Variants in HCN1 observed in about 807,000 individuals in gnomAD.
HCN1 encodes potassium/sodium hyperpolarization-activated cyclic nucleotide-gated channel 1.
In HCN1, 13 loss-of-function variants were observed where a neutral mutation model predicts 78.9. The observed-to-expected ratio is 0.16, with a 90% CI of 0.11 to 0.26. The LOEUF (loss-of-function observed/expected upper bound fraction) is 0.26, where lower values mean the gene tolerates loss of function less well. Among genes scored for constraint, HCN1 ranks in the 10% least tolerant of loss-of-function variants. The probability of loss-of-function intolerance (pLI) is 1.00; values close to 1 mark genes in which losing one functional copy is unlikely to be tolerated. For missense variants in HCN1, 810 were observed against 1,154.3 expected, an observed-to-expected ratio of 0.70 and a Z score of 4.32; for synonymous variants, 552 against 455.5, an observed-to-expected ratio of 1.21 and a Z score of -2.70.
chr5:45,378,892 T>G (rs1375375699), intron 4 of HCN1, among the ~76,000 whole-genome samples: 2 of 152,026 alleles, frequency 1.3e-5, no homozygotes, highest in African/African-American at 4.8e-5. Flanking sequence ...TTGTCCTTGC[T>G]ATAGTTTGCT....
In HCN1 at chr5:45,262,632, C is replaced by T. The variant is rs986494425; in HGVS notation, c.1962G>A (p.Thr654=). 1.2e-6 allele frequency: 2 copies of T among 1,613,684 alleles called. No homozygotes were observed. Among genetic ancestry groups the T allele is most frequent in the South Asian group, 1.1e-5 (1 of 91,038 alleles). The change falls in exon 8 of 8, where the codon ACG becomes ACA. Residue 654 remains threonine (T), a synonymous_variant. Coordinates refer to ENST00000303230, the MANE Select transcript of HCN1 (RefSeq NM_021072.4). ...GTGTCCTCATGCGGGAGGTCGGGGT[C>T]GTAGTAGACGATGTGGAATTCAGGG... ...MTTLNSTSST[T]TPTSRMRTQS...
chr5:45,272,509 G>A (rs1458571239), intron 6 of HCN1, among the ~76,000 whole-genome samples: 1 of 151,918 alleles, frequency 6.6e-6, no homozygotes, highest in African/African-American at 2.4e-5. Context: ...CTGCTACATT[G>A]AGTTTCCAGC....
At chr5:45,695,331 C>G (rs1470100274) in intron 1 of HCN1, among the ~76,000 whole-genome samples, 2 of 152,100 alleles carry the variant, frequency 1.3e-5, no homozygotes, top group East Asian at 1.9e-4. Context: ...CTCACGCTCT[C>G]GTCTCTGAAG....
chr5:45,478,890 G>A (rs1030254794), intron 2 of HCN1, among the ~76,000 whole-genome samples: 6 of 152,110 alleles, frequency 3.9e-5, no homozygotes, highest in East Asian at 1.9e-4. Context: ...TTGGGAGGCC[G>A]AGGCGGGCAG....
intron 3 of HCN1, among the ~76,000 whole-genome samples, chr5:45,416,086 G>A (rs954314303): frequency 1.3e-5 from 2 of 151,898 alleles, no homozygotes; most frequent in African/African-American, 2.4e-5. Flanking sequence ...TTAGTAGTCT[G>A]ATCAACTGTT....
chr5:45,366,261 T>C (rs977545930), intron 4 of HCN1, among the ~76,000 whole-genome samples: 3 of 151,646 alleles, frequency 2.0e-5, no homozygotes, highest in Admixed American at 6.6e-5. Flanking sequence ...AAAGGAAATT[T>C]AATTATGTTT....
chr5:45,525,930 G>A (rs1377957894), intron 2 of HCN1, among the ~76,000 whole-genome samples: 1 of 151,928 alleles, frequency 6.6e-6, no homozygotes, highest in Non-Finnish European at 1.5e-5. Context: ...AATGGGATTA[G>A]TGTCCTTATA....
chr5:45,610,856 T>G (rs1454321014), intron 2 of HCN1, among the ~76,000 whole-genome samples: 1 of 151,998 alleles, frequency 6.6e-6, no homozygotes, highest in Non-Finnish European at 1.5e-5. Flanking sequence ...TTTAGAATAG[T>G]TGGAAAATTC....
intron 1 of HCN1, among the ~76,000 whole-genome samples, chr5:45,668,636 A>T (rs1429329645): frequency 6.6e-6 from 1 of 151,960 alleles, no homozygotes; most frequent in Non-Finnish European, 1.5e-5. Context: ...GAAAATGCAT[A>T]AGATTCCTAT....
In HCN1 at chr5:45,256,518, T is replaced by G. The variant is rs1363348710; in HGVS notation, c.*5403A>C. 1 of 152,182 alleles carries G rather than the reference T, an allele frequency of 6.6e-6. No individual in the cohort carries two copies. The highest frequency in any genetic ancestry group is 2.4e-5 in the African/African-American group (1 of 41,442). The allele number at this position is 152,182 out of a possible 1,614,324, so 9.4% of individuals were successfully genotyped here. ...CTCCAATAGAAATTAAAGAACTGGC[T>G]TCACTTTTTTGTTTGTTTGGGTTTT... On this transcript the variant is annotated 3_prime_UTR_variant, in exon 8 of 8. Coordinates refer to ENST00000303230, the MANE Select transcript of HCN1 (RefSeq NM_021072.4).
intron 2 of HCN1, among the ~76,000 whole-genome samples, chr5:45,627,812 TTAAG>T (rs1209038835): frequency 6.6e-6 from 1 of 152,308 alleles, no homozygotes; most frequent in East Asian, 1.9e-4. Flanking sequence ...TTTACTTTAC[TTAAG>T]TGGCAGGGCA....
intron 2 of HCN1, among the ~76,000 whole-genome samples, chr5:45,550,902 CCA>C (rs1743354324): frequency 6.6e-6 from 1 of 151,824 alleles, no homozygotes; most frequent in Non-Finnish European, 1.5e-5. Flanking sequence ...TTCTAGGAAA[CCA>C]TTCATAAAAT....
intron 5 of HCN1, among the ~76,000 whole-genome samples, chr5:45,328,247 C>A (rs866250521): frequency 8.0e-5 from 12 of 150,788 alleles, no homozygotes; most frequent in African/African-American, 3.0e-4. Context: ...GGTGCCACAG[C>A]AAAACTAGCA....
intron 1 of HCN1, among the ~76,000 whole-genome samples, chr5:45,685,257 T>C (rs993612389): frequency 6.6e-5 from 10 of 152,350 alleles, no homozygotes; most frequent in African/African-American, 2.4e-4. Flanking sequence ...GGTTTAACTA[T>C]GCCATTTTCT....
chr5:45,485,275 T>C (rs1002563738), intron 2 of HCN1, among the ~76,000 whole-genome samples: 12 of 152,222 alleles, frequency 7.9e-5, no homozygotes, highest in Non-Finnish European at 2.9e-5. Context: ...TGCCTCATTT[T>C]AGTTCTTCCT....
intron 2 of HCN1, among the ~76,000 whole-genome samples, chr5:45,487,105 T>G (rs1741784554): frequency 6.6e-6 from 1 of 152,132 alleles, no homozygotes; most frequent in Non-Finnish European, 1.5e-5. Context: ...ACAGCAAAAC[T>G]TTGAACAGTC....
intron 3 of HCN1, among the ~76,000 whole-genome samples, chr5:45,434,775 A>G (rs1445784958): frequency 1.3e-5 from 2 of 152,180 alleles, no homozygotes; most frequent in South Asian, 2.1e-4. Context: ...AAGTCTTACA[A>G]CAATGCAAGG....
At chr5:45,288,630 G>A (rs1745314693) in intron 6 of HCN1, among the ~76,000 whole-genome samples, 1 of 151,920 alleles carries the variant, frequency 6.6e-6, no homozygotes, top group South Asian at 2.1e-4. Flanking sequence ...TTATAGTTTT[G>A]ATTGTAAATA....
chr5:45,433,829 C>G (rs189280896), intron 3 of HCN1, among the ~76,000 whole-genome samples: 5 of 152,294 alleles, frequency 3.3e-5, no homozygotes, highest in East Asian at 3.9e-4. Flanking sequence ...ATTGTGCCAG[C>G]AAGACTTAGC....
Sources: gnomAD v4.1 joint callset for allele counts (sites outside exome capture counted in the v4.1 genomes callset) on GRCh38, gnomAD v4.1.1 for gene constraint, MANE v1.5 for transcripts, NCBI Gene and HGNC (gene_info 2026-07-23, HGNC 2026-07-21) for gene names.